PSD3: variants seen among roughly 807,000 people sequenced by gnomAD.
PSD3 encodes the protein pleckstrin and Sec7 domain containing 3.
In PSD3, 49 loss-of-function variants were observed where a neutral mutation model predicts 105.5. The ratio of observed to expected loss-of-function variants is 0.46; its 90% confidence interval spans 0.37 to 0.59. The LOEUF is 0.59. PSD3 is among the 20% of genes least tolerant of loss of function. PSD3 has a pLI of 0.00. For synonymous variants in PSD3, 557 were observed against 457.8 expected, an observed-to-expected ratio of 1.22 and a Z score of -2.77; for missense variants, 1,561 against 1,263.8, an observed-to-expected ratio of 1.24 and a Z score of -3.57.
At chr8:18,921,630 T>C (rs1215184033) in intron 2 of PSD3, among the ~76,000 whole-genome samples, 1 of 152,204 alleles carries the variant, frequency 6.6e-6, no homozygotes, top group Non-Finnish European at 1.5e-5. Context: ...GCCTTGGGAA[T>C]GCTTCCTGCA....
chr8:18,892,348 C>A (rs886738392), intron 2 of PSD3, among the ~76,000 whole-genome samples: 1 of 151,704 alleles, frequency 6.6e-6, no homozygotes, highest in African/African-American at 2.4e-5. Flanking sequence ...CTCAGCCTCC[C>A]GAGTAGCTGG....
At chr8:19,065,078 G>A (rs1226622928) in intron 1 of PSD3, among the ~76,000 whole-genome samples, 3 of 152,200 alleles carry the variant, frequency 2.0e-5, no homozygotes, top group Non-Finnish European at 1.5e-5. Flanking sequence ...CAGGTTACCT[G>A]AGCCGGCATA....
At chr8:18,785,063 A>G (rs1809007355) in intron 8 of PSD3, among the ~76,000 whole-genome samples, 1 of 152,126 alleles carries the variant, frequency 6.6e-6, no homozygotes, top group African/African-American at 2.4e-5. Context: ...TCATTAGAAT[A>G]AACAATGCTC....
At chr8:19,037,824 C>T (rs1253818921) in intron 1 of PSD3, among the ~76,000 whole-genome samples, 3 of 151,862 alleles carry the variant, frequency 2.0e-5, no homozygotes, top group African/African-American at 7.3e-5. Context: ...TTCCAGTTTG[C>T]AGATAGTGGA....
At chr8:18,854,655 A>C (rs1264434907) in intron 4 of PSD3, among the ~76,000 whole-genome samples, 1 of 152,248 alleles carries the variant, frequency 6.6e-6, no homozygotes, top group African/African-American at 2.4e-5. Context: ...CCTGGTCCTA[A>C]AGAAATGACT....
chr8:18,734,830 T>TA lies in PSD3; in HGVS notation c.2172+30618dup, dbSNP rs199607148. On this transcript the variant is annotated intron_variant, in intron 9 of 15. Coordinates refer to ENST00000327040, the MANE Select transcript of PSD3 (RefSeq NM_015310.4). Reference sequence around the variant, plus strand: ...CTCATTCTGATGTTTTGTAAGGTGTTAAATCATTTTTTCTCAAGCCAAAAT... The same window carrying TA: ...CTCATTCTGATGTTTTGTAAGGTGTTAAAATCATTTTTTCTCAAGCCAAAAT... Among the ~76,000 whole-genome samples, 822 of 152,276 alleles carry TA rather than the reference T, an allele frequency of 5.4e-3. 9 individuals are homozygous for TA. The highest frequency in any genetic ancestry group is 3.8e-3 in the Non-Finnish European group (256 of 68,016).
chr8:19,010,323 C>G (rs1196355306), intron 1 of PSD3, among the ~76,000 whole-genome samples: 1 of 152,146 alleles, frequency 6.6e-6, no homozygotes, highest in Non-Finnish European at 1.5e-5. Flanking sequence ...TAGGCACCAA[C>G]TGGGCCCAAG....
In PSD3 at chr8:18,532,837, T is replaced by G. The variant is rs1799688026; in HGVS notation, c.*2906A>C. The G allele has an allele frequency of 6.6e-6, 1 of 152,198 alleles. No individual in the cohort carries two copies. Among genetic ancestry groups the G allele is most frequent in the Admixed American group, 6.5e-5 (1 of 15,270 alleles). 9.4% of individuals were successfully genotyped at this position (152,198 alleles called of 1,614,324 possible). A position where few individuals can be genotyped will look rare whatever the true frequency, so the allele number is the denominator to read the frequency against. ...ATACATGGGCCACCTGTATGGTCAA[T>G]TTTGCAACAACACTATGACCAAGGC... On this transcript the variant is annotated 3_prime_UTR_variant, in exon 16 of 16. Coordinates refer to ENST00000327040, the MANE Select transcript of PSD3 (RefSeq NM_015310.4).
chr8:18,637,907 C>CA, intron 10 of PSD3, among the ~76,000 whole-genome samples: 1 of 152,208 alleles, frequency 6.6e-6, no homozygotes, highest in South Asian at 2.1e-4. Flanking sequence ...CCTGTAATCC[C>CA]AGCACATTGG....
chr8:18,939,936 T>C (rs1489857956), intron 1 of PSD3, among the ~76,000 whole-genome samples: 1 of 152,186 alleles, frequency 6.6e-6, no homozygotes, highest in Non-Finnish European at 1.5e-5. Context: ...AAGATAAGCA[T>C]TGTTTCATGG....
At chr8:18,754,498 G>A (rs10106772) in intron 9 of PSD3, among the ~76,000 whole-genome samples, 19,131 of 152,050 alleles carry the variant, frequency 0.13, 2,676 homozygotes, top group African/African-American at 0.35. Flanking sequence ...ACTTGCCCAC[G>A]AACAGCTGGC....
intron 1 of PSD3, among the ~76,000 whole-genome samples, chr8:19,059,178 A>G (rs1176340875): frequency 6.6e-6 from 1 of 152,216 alleles, no homozygotes; most frequent in South Asian, 2.1e-4. Flanking sequence ...AAAGTCTCTC[A>G]TCCAAATAAC....
chr8:18,871,391 T>A (rs553189923), intron 3 of PSD3, among the ~76,000 whole-genome samples: 1 of 152,266 alleles, frequency 6.6e-6, no homozygotes, highest in East Asian at 1.9e-4. Context: ...TCTTCAGAAC[T>A]CTGTTTCCCT....
At chr8:18,697,463 T>C (rs1008017777) in intron 9 of PSD3, among the ~76,000 whole-genome samples, 3 of 152,242 alleles carry the variant, frequency 2.0e-5, no homozygotes, top group Non-Finnish European at 2.9e-5. Context: ...CAGAACATTA[T>C]AGAAAAGTGT....
intron 9 of PSD3, among the ~76,000 whole-genome samples, chr8:18,726,318 A>G (rs1170326881): frequency 6.6e-6 from 1 of 152,262 alleles, no homozygotes; most frequent in Admixed American, 6.5e-5. Context: ...AACTTTAATG[A>G]AATAACAGCT....
chr8:18,760,563 G>C lies in PSD3; in HGVS notation c.2172+4886C>G, dbSNP rs926290840. Among the ~76,000 whole-genome samples, 6 of 152,148 alleles carry C rather than the reference G, an allele frequency of 3.9e-5. No individual in the cohort carries two copies. In the East Asian group the frequency reaches 7.7e-4, roughly 20 times the overall value. On this transcript the variant is annotated intron_variant, in intron 9 of 15. Transcript: ENST00000327040. ...CTCCAGATTTATCGATGTCACAAAT[G>C]ACAGAATTCCTCCTTTTTAAGGCCA...
intron 9 of PSD3, among the ~76,000 whole-genome samples, chr8:18,759,254 C>T (rs73199967): frequency 0.059 from 8,960 of 152,100 alleles, 426 homozygotes; most frequent in East Asian, 0.2. Flanking sequence ...CATCTAATAG[C>T]AAGCAATAAC....
At chr8:18,709,704 C>G (rs1399778231) in intron 9 of PSD3, among the ~76,000 whole-genome samples, 1 of 152,088 alleles carries the variant, frequency 6.6e-6, no homozygotes, top group Non-Finnish European at 1.5e-5. Flanking sequence ...TGGGAGGTAC[C>G]CAGGTGAATA....
At chr8:18,583,122 G>C (rs1279055649) in intron 12 of PSD3, among the ~76,000 whole-genome samples, 1 of 152,120 alleles carries the variant, frequency 6.6e-6, no homozygotes, top group Non-Finnish European at 1.5e-5. Context: ...CACCGCATCT[G>C]ACCCAGATTG....
Sources: allele counts gnomAD v4.1 joint callset (sites outside exome capture counted in the v4.1 genomes callset), GRCh38; gene constraint gnomAD v4.1.1; transcripts MANE v1.5; gene names NCBI Gene and HGNC (gene_info 2026-07-23, HGNC 2026-07-21).